CASKIN1: variants seen among roughly 807,000 people sequenced by gnomAD.
CASKIN1 encodes caskin-1.
In CASKIN1, 42 loss-of-function variants were observed where a neutral mutation model predicts 117.5. The observed-to-expected ratio is 0.36, with a 90% confidence interval of 0.28 to 0.46. The LOEUF (loss-of-function observed/expected upper bound fraction) is 0.46. Ranked by LOEUF, CASKIN1 falls within the 20% of genes least tolerant of loss-of-function variation. CASKIN1 has a pLI of 1.00. For missense variants in CASKIN1, 2,083 were observed against 2,077.3 expected (o/e 1.00, Z -0.05); for synonymous variants, 1,148 against 961.7 (o/e 1.19, Z -3.59).
Position 2,183,077 on chromosome 16 carries a change from G to A in CASKIN1, c.1629+569C>T, listed in dbSNP as rs149844166. The stretch of plus-strand genomic sequence containing the variant: ...GCTGGGATTACAGGCGTGAGCCACC[G>A]CGCCCGGCCGCACCTCCGTGTTAAT... On this transcript the variant is annotated intron_variant, in intron 16 of 19. Transcript: ENST00000343516. Among the ~76,000 whole-genome samples, 28 of 152,332 alleles carry A rather than the reference G, an allele frequency of 1.8e-4. No homozygotes were observed. The East Asian group carries it at 2.9e-3, about 16-fold the overall frequency.
chr16:2,181,223 A>C lies in CASKIN1; in HGVS notation c.2145T>G (p.Pro715=), dbSNP rs1203524111. ...TTCGAGACATGGGGCTGCTGGGCCC[A>C]GGGGGCCCATCTCCCAGCAGCTCCT... ...SSQELLGDGP[P]GPSSPMSRSQ... Residue 715 remains proline, a synonymous_variant, in exon 18 of 20, where the codon CCT becomes CCG. Coordinates refer to ENST00000343516, the MANE Select transcript of CASKIN1 (RefSeq NM_020764.4). The C allele has an allele frequency of 6.3e-7, 1 of 1,591,376 alleles. No individual in the cohort carries two copies. The highest frequency in any genetic ancestry group is 1.7e-5 in the Admixed American group (1 of 57,388).
Position 2,180,843 on chromosome 16 carries a change from C to A in CASKIN1, c.2525G>T (p.Gly842Val). 7.2e-7 allele frequency: 1 copy of A among 1,388,850 alleles called. No homozygotes were observed. The highest frequency in any genetic ancestry group is 2.8e-5 in the East Asian group (1 of 35,254). The allele number at this position is 1,388,850 out of a possible 1,614,324, so 86.0% of individuals were successfully genotyped here. ...FAYVLPQPVE[G>V]EVGPAAPGPA... ...CCCCGGGGCAGCCGGCCCCACCTCG[C>A]CCTCCACGGGCTGGGGCAGCACGTA... Residue 842 changes from glycine to valine, a missense_variant, in exon 18 of 20, where the codon GGC (glycine) becomes GTC (valine). Around this residue, in one of 3 missense-constraint regions of CASKIN1, gnomAD observed 1,818 missense variants for 1,688.9 expected, o/e 1.08. Transcript: ENST00000343516.
chr16:2,189,903 C>T (rs1567263374), intron 3 of CASKIN1, among the ~76,000 whole-genome samples, 170 bp downstream of exon 3: 2 of 152,148 alleles, frequency 1.3e-5, no homozygotes, highest in East Asian at 1.9e-4. Context: ...GAGCTGACCC[C>T]TCACCCCAGC....
intron 19 of CASKIN1, 116 bp from the exon 20 acceptor site, chr16:2,178,762 C>A (rs2141307229): frequency 7.5e-7 from 1 of 1,336,744 alleles, no homozygotes; most frequent in East Asian, 3.0e-5. Context: ...CGCACGACGA[C>A]CTCGGCGGAG....
chr16:2,187,548 C>A (rs26835), intron 6 of CASKIN1, 87 bp from the exon 7 acceptor site: 1 of 1,052,656 alleles, frequency 9.5e-7, no homozygotes, highest in African/African-American at 1.6e-5. Context: ...TTTCCAGGTA[C>A]CCCAGCAGTC....
intron 1 of CASKIN1, among the ~76,000 whole-genome samples, chr16:2,194,310 C>G (rs139622207): frequency 6.6e-6 from 1 of 152,176 alleles, no homozygotes; most frequent in Non-Finnish European, 1.5e-5. Flanking sequence ...GCCCCTGCAC[C>G]GGCATCTCCC....
At position 2,190,131 on chromosome 16, in the gene CASKIN1, C is replaced by A; in HGVS notation, c.186G>T (p.Thr62=). The A allele has an allele frequency of 6.2e-7, 1 of 1,613,070 alleles. No individual in the cohort carries two copies. The highest frequency in any genetic ancestry group is 8.5e-7 in the Non-Finnish European group (1 of 1,179,936). Reference sequence around the variant, plus strand: ...CCTCCAGCAGCAGGCTGATCAATTCCGTGTTGCCGTTCAGGGCCGCATGGT... The same window carrying A: ...CCTCCAGCAGCAGGCTGATCAATTCAGTGTTGCCGTTCAGGGCCGCATGGT... ...ALHHAALNGN[T]ELISLLLEAQ... The change falls in exon 3 of 20, where the codon ACG becomes ACT. Residue 62 remains threonine (T), a synonymous_variant. Transcript: ENST00000343516.
At position 2,179,477 on chromosome 16, in the gene CASKIN1, G is replaced by T; in HGVS notation, c.3775+116C>A. 1.4e-6 allele frequency: 2 copies of T among 1,388,910 alleles called. No homozygotes were observed. The highest frequency in any genetic ancestry group is 3.1e-5 in the South Asian group (2 of 63,534). The allele number at this position is 1,388,910 out of a possible 1,614,324, so 86.0% of individuals were successfully genotyped here. On this transcript the variant is annotated intron_variant, in intron 18 of 19. Transcript: ENST00000343516. The surrounding 1 kb of genome is among the most constrained non-coding windows in gnomAD (Gnocchi z 5.8). Reference sequence around the variant, plus strand: ...GATGGATGAGAGGGTCTGGGGACACGTTCCCACCCCACCTGGGCTTCCATC... The same window carrying T: ...GATGGATGAGAGGGTCTGGGGACACTTTCCCACCCCACCTGGGCTTCCATC...
chr16:2,184,711 C>T, intron 14 of CASKIN1, 66 bp downstream of exon 14: 1 of 1,354,956 alleles, frequency 7.4e-7, no homozygotes, highest in Non-Finnish European at 9.7e-7. Flanking sequence ...TGTAAGCACC[C>T]ATCAGCCCAT....
Position 2,184,988 on chromosome 16 carries a change from C to T in CASKIN1, c.1287G>A (p.Pro429=), listed in dbSNP as rs748186385. 16 of 1,607,880 alleles carry T rather than the reference C, an allele frequency of 1.0e-5. No individual in the cohort carries two copies. In the East Asian group the frequency reaches 1.1e-4, roughly 11 times the overall value. ...LSQKSVSESG[P]GDSPAKPPEG... is the part of the protein sequence containing the mutation. The stretch of plus-strand genomic sequence containing the variant: ...CCGGAGGCTTGGCGGGGCTGTCCCC[C>T]GGGCCGGACTCAGAGACGGACTTCT... The change falls in exon 13 of 20, where the codon CCG becomes CCA. Residue 429 remains proline, a synonymous_variant. Coordinates refer to ENST00000343516, the MANE Select transcript of CASKIN1 (RefSeq NM_020764.4).
intron 1 of CASKIN1, among the ~76,000 whole-genome samples, chr16:2,193,639 C>T (rs545400371): frequency 6.6e-6 from 1 of 152,250 alleles, no homozygotes. Flanking sequence ...GCTGAAATCT[C>T]GGAGAGGCTG....
intron 14 of CASKIN1, 148 bp downstream of exon 14, chr16:2,184,629 G>A: frequency 1.6e-6 from 1 of 607,628 alleles, no homozygotes; most frequent in Non-Finnish European, 2.7e-6. Context: ...ACAACACACA[G>A]ACTGACAGAC....
Position 2,180,784 on chromosome 16 carries a change from TG to T in CASKIN1, c.2583del (p.Thr862HisfsTer22). ...PAPPPVPTAV[P>X]TLCLPPEADA... ...TCGGCCTCAGGGGGCAGGCACAGTG[TG>T]GGCACAGCCGTCGGCACGGGTGGGG... On this transcript the variant is annotated frameshift_variant, in exon 18 of 20. Transcript: ENST00000343516. LOFTEE classifies it high-confidence loss of function. The T allele has an allele frequency of 7.1e-7, 1 of 1,411,562 alleles. No individual in the cohort carries two copies. Among genetic ancestry groups the T allele is most frequent in the Non-Finnish European group, 9.2e-7 (1 of 1,091,586 alleles). 87.4% of individuals were successfully genotyped at this position (1,411,562 alleles called of 1,614,324 possible).
chr16:2,180,282 G>A lies in CASKIN1; in HGVS notation c.3086C>T (p.Thr1029Ile). 1.9e-6 allele frequency: 3 copies of A among 1,571,712 alleles called. No homozygotes were observed. Among genetic ancestry groups the A allele is most frequent in the South Asian group, 1.2e-5 (1 of 86,564 alleles). The change falls in exon 18 of 20, where the codon ACT becomes ATT. Residue 1029 changes from threonine to isoleucine, a missense_variant. Coordinates refer to ENST00000343516, the MANE Select transcript of CASKIN1 (RefSeq NM_020764.4). ...AARRPPEGHP[T>I]PRPASPEPGR... ...CGGCTCTGGGCTGGCAGGGCGGGGA[G>A]TGGGGTGGCCCTCAGGAGGCCTGCG...
Position 2,180,471 on chromosome 16 carries a change from G to C in CASKIN1, c.2897C>G (p.Pro966Arg), listed in dbSNP as rs547212663. 1,799 of 1,552,348 alleles carry C rather than the reference G, an allele frequency of 1.2e-3. 1 individual carries two copies. The highest frequency in any genetic ancestry group is 1.4e-3 in the Non-Finnish European group (1,630 of 1,155,592). The change falls in exon 18 of 20, where the codon CCG (proline) becomes CGG (arginine). Residue 966 changes from proline to arginine, a missense_variant. Coordinates refer to ENST00000343516, the MANE Select transcript of CASKIN1 (RefSeq NM_020764.4). ...ATCCTCAGGCTCGGCGTCAGGCACC[G>C]GCTCATCCGCCAGGTTGGCACTAGC... ...ALASANLADE[P>R]VPDAEPEDGL...
In CASKIN1 at chr16:2,180,851, G is replaced by T. The variant is rs541957148; in HGVS notation, c.2517C>A (p.Pro839=). ...HRGFAYVLPQ[P]VEGEVGPAAP... is the part of the protein sequence containing the mutation. ...CAGCCGGCCCCACCTCGCCCTCCACGGGCTGGGGCAGCACGTAGGCAAAGC... is the reference window on the plus strand; with the variant it reads ...CAGCCGGCCCCACCTCGCCCTCCACTGGCTGGGGCAGCACGTAGGCAAAGC... The change falls in exon 18 of 20, where the codon CCC becomes CCA. Residue 839 remains proline, a synonymous_variant. Coordinates refer to ENST00000343516, the MANE Select transcript of CASKIN1 (RefSeq NM_020764.4). 7.1e-6 allele frequency: 10 copies of T among 1,399,688 alleles called. 1 individual carries two copies. Among genetic ancestry groups the T allele is most frequent in the South Asian group, 3.3e-5 (2 of 60,960 alleles). 86.7% of individuals were successfully genotyped at this position (1,399,688 alleles called of 1,614,324 possible).
In CASKIN1 at chr16:2,177,955, C is replaced by T; in HGVS notation, c.*595G>A. 3 of 367,746 alleles carry T rather than the reference C, an allele frequency of 8.2e-6. No homozygotes were observed. Among genetic ancestry groups the T allele is most frequent in the Non-Finnish European group, 1.5e-5 (3 of 195,746 alleles). The allele number at this position is 367,746 out of a possible 1,614,324, so 22.8% of individuals were successfully genotyped here. On this transcript the variant is annotated 3_prime_UTR_variant, in exon 20 of 20. Transcript: ENST00000343516. ...GACCGCAGGCAGACAGCCTGGGCCTCTAACAGCTTTTGTCCGGAGCTAGAC... is the reference window on the plus strand; with the variant it reads ...GACCGCAGGCAGACAGCCTGGGCCTTTAACAGCTTTTGTCCGGAGCTAGAC...
At position 2,180,381 on chromosome 16, in the gene CASKIN1, C is replaced by G; in HGVS notation, c.2987G>C (p.Gly996Ala). The G allele has an allele frequency of 1.6e-5, 25 of 1,589,978 alleles. No individual in the cohort carries two copies. Among genetic ancestry groups the G allele is most frequent in the Non-Finnish European group, 2.0e-5 (23 of 1,174,972 alleles). Residue 996 changes from glycine to alanine, a missense_variant, in exon 18 of 20, where the codon GGT becomes GCT. Gly to Ala is a moderately conservative substitution (Grantham distance 60, BLOSUM62 0). Transcript: ENST00000343516. ...GATGCTCTTCACACTGCCGGCACTA[C>G]CCGTGTCCACGCTGCCGGCCAGGTC... ...ASDLAGSVDT[G>A]SAGSVKSIAA...
rs200973356 is a variant in CASKIN1 at position 2,186,773 on chromosome 16, G to A, written c.982C>T (p.Arg328Trp). 7.7e-5 allele frequency: 124 copies of A among 1,612,916 alleles called. No individual in the cohort carries two copies. The highest frequency in any genetic ancestry group is 1.0e-4 in the Admixed American group (6 of 60,008). Residue 328 changes from arginine to tryptophan, a missense_variant, in exon 10 of 20, where the codon CGG becomes TGG. Around this residue, in one of 3 missense-constraint regions of CASKIN1, gnomAD observed 1,818 missense variants for 1,688.9 expected, o/e 1.08. Transcript: ENST00000343516. ...TAGCCCACCCGGTCATTGCCCGTCC[G>A]GTTGTCATGGATGCAGCCCTTCCAC... is the stretch of plus-strand genomic sequence containing the variant. ...GRWKGCIHDNRTGNDRVGYFP... is the reference protein window; with the variant it reads ...GRWKGCIHDNWTGNDRVGYFP...
Sources: allele counts gnomAD v4.1 joint callset (sites outside exome capture counted in the v4.1 genomes callset), GRCh38; gene constraint gnomAD v4.1.1; regional missense constraint gnomAD v4.1.1; non-coding constraint Gnocchi (gnomAD v3.1); transcripts MANE v1.5; gene names NCBI Gene and HGNC (gene_info 2026-07-23, HGNC 2026-07-21).